PPFIA2: variants seen among roughly 807,000 people sequenced by gnomAD.
PPFIA2 encodes the protein liprin-alpha-2.
A neutral mutation model predicts 175.5 loss-of-function variants in PPFIA2; 46 were observed. The ratio of observed to expected loss-of-function variants is 0.26; its 90% CI spans 0.21 to 0.34. The LOEUF is 0.34. Among genes scored for constraint, PPFIA2 ranks in the 10% least tolerant of loss-of-function variants. The probability of loss-of-function intolerance (pLI) is 1.00; values close to 1 mark genes in which losing one functional copy is unlikely to be tolerated. For missense variants in PPFIA2, 1,179 were observed against 1,506.1 expected, an observed-to-expected ratio of 0.78 and a Z score of 3.60; for synonymous variants, 568 against 511.4, an observed-to-expected ratio of 1.11 and a Z score of -1.49.
At chr12:81,718,320 T>A (rs2078902212) in intron 3 of PPFIA2, among the ~76,000 whole-genome samples, 1 of 151,440 alleles carries the variant, frequency 6.6e-6, no homozygotes, top group Non-Finnish European at 1.5e-5. Context: ...AGTCATTCAG[T>A]TATCTGAGGG....
intron 3 of PPFIA2, among the ~76,000 whole-genome samples, chr12:81,696,991 A>G (rs1306524647): frequency 2.0e-5 from 3 of 152,060 alleles, no homozygotes; most frequent in Non-Finnish European, 4.4e-5. Flanking sequence ...GAGAATATTA[A>G]TCTTAAACTC....
At chr12:81,281,687 T>G (rs2042122992) in intron 26 of PPFIA2, among the ~76,000 whole-genome samples, 1 of 152,112 alleles carries the variant, frequency 6.6e-6, no homozygotes, top group Admixed American at 6.6e-5. Context: ...CAAAAGGAAT[T>G]ACATTTTGTC....
rs71098156 is a variant in PPFIA2, at chr12:81,637,236, ATTTTTTTTTTTTTTTTTTTTTTTTT to A, written c.303+39530_303+39554del. 4.1e-4 allele frequency among the ~76,000 whole-genome samples: 27 copies of A among 65,920 alleles called. 2 individuals carry two copies. The highest frequency in any genetic ancestry group is 2.1e-3 in the Admixed American group (10 of 4,862). The allele number at this position is 65,920 out of a possible 152,430, so 43.2% of individuals were successfully genotyped here. A position where few individuals can be genotyped will look rare whatever the true frequency, so the allele number is the denominator to read the frequency against. ...AGGCATGCGCTACCACGCCAGGCTAATTTTTTTTTTTTTTTTTTTTTTTTTTTTTTTTTTTTTTTTTTTTTTTAGT... is the reference window on the plus strand; with the variant it reads ...AGGCATGCGCTACCACGCCAGGCTAATTTTTTTTTTTTTTTTTTTTTTAGT... On this transcript the variant is annotated intron_variant, in intron 4 of 32. Coordinates refer to ENST00000549396, the MANE Select transcript of PPFIA2 (RefSeq NM_003625.5).
At chr12:81,533,739 ATATC>A (rs1262465182) in intron 4 of PPFIA2, among the ~76,000 whole-genome samples, 13 of 51,286 alleles carry the variant, frequency 2.5e-4, no homozygotes, top group Admixed American at 1.3e-3. Context: ...ATCTATCTAT[ATATC>A]TATCTATCTA....
chr12:81,383,161 A>G (rs912483295), intron 9 of PPFIA2, among the ~76,000 whole-genome samples: 6 of 152,170 alleles, frequency 3.9e-5, no homozygotes, highest in East Asian at 1.9e-4. Flanking sequence ...CAATTGGCTT[A>G]CGAGAGAATG....
intron 3 of PPFIA2, among the ~76,000 whole-genome samples, chr12:81,729,113 C>T (rs1277197570): frequency 1.3e-5 from 2 of 151,318 alleles, no homozygotes; most frequent in African/African-American, 2.4e-5. Flanking sequence ...ATTTTATTAA[C>T]TTAAATAAGT....
At chr12:81,558,712 T>G (rs1347717323) in intron 4 of PPFIA2, among the ~76,000 whole-genome samples, 1 of 152,164 alleles carries the variant, frequency 6.6e-6, no homozygotes, top group Non-Finnish European at 1.5e-5. Context: ...GAGGTGGCTA[T>G]GTATTTCTGA....
intron 3 of PPFIA2, among the ~76,000 whole-genome samples, chr12:81,732,269 A>T (rs1402924356): frequency 1.3e-5 from 2 of 151,636 alleles, no homozygotes; most frequent in African/African-American, 4.8e-5. Flanking sequence ...CATTTAAATA[A>T]TTGCTAATAG....
At position 81,322,289 on chromosome 12, in the gene PPFIA2, C is replaced by T. The variant is rs145614392; in HGVS notation, c.2642+3488G>A. Among the ~76,000 whole-genome samples, 386 of 152,064 alleles carry T rather than the reference C, an allele frequency of 2.5e-3. 4 individuals carry two copies. Among genetic ancestry groups the T allele is most frequent in the African/African-American group, 8.7e-3 (363 of 41,492 alleles). ...AATTTTCAGGTCTGGTTGTTCTAAA[C>T]GTAATAGTAAAAGAGAAGATATTTT... is the stretch of plus-strand genomic sequence containing the variant. On this transcript the variant is annotated intron_variant, in intron 22 of 32. Transcript: ENST00000549396.
intron 3 of PPFIA2, among the ~76,000 whole-genome samples, chr12:81,687,932 A>C (rs2153583387): frequency 6.6e-6 from 1 of 152,130 alleles, no homozygotes; most frequent in African/African-American, 2.4e-5. Context: ...ATATATGTTA[A>C]AACAGATAAG....
At chr12:81,745,947 C>CTGTGCATTAATAAGTTAGATAATTG (rs1327680732) in intron 3 of PPFIA2, among the ~76,000 whole-genome samples, 6 of 107,326 alleles carry the variant, frequency 5.6e-5, no homozygotes, top group Non-Finnish European at 1.2e-4. Context: ...AACAAACAAA[C>CTGTGCATTAATAAGTTAGATAATTG]AGCTTTCCAA....
chr12:81,754,740 A>G (rs2084373396), intron 2 of PPFIA2, among the ~76,000 whole-genome samples: 3 of 152,216 alleles, frequency 2.0e-5, no homozygotes, highest in Admixed American at 2.0e-4. Context: ...CTTGTAGAAA[A>G]TATACAAATC....
intron 7 of PPFIA2, among the ~76,000 whole-genome samples, chr12:81,407,212 C>T (rs1265883474): frequency 3.3e-5 from 5 of 152,130 alleles, no homozygotes; most frequent in East Asian, 1.9e-4. Context: ...TGGCCCAGCG[C>T]GGCAGCTCAC....
intron 4 of PPFIA2, among the ~76,000 whole-genome samples, chr12:81,477,125 T>C (rs1382723513): frequency 6.6e-6 from 1 of 151,890 alleles, no homozygotes; most frequent in African/African-American, 2.4e-5. Context: ...ACTTAGGTGA[T>C]GGGTTGATGG....
At chr12:81,426,417 T>C (rs563382946) in intron 7 of PPFIA2, among the ~76,000 whole-genome samples, 2 of 152,250 alleles carry the variant, frequency 1.3e-5, no homozygotes, top group East Asian at 3.9e-4. Flanking sequence ...TAGTGATTTA[T>C]TGAACCTAAG....
At chr12:81,539,171 A>G (rs2065849965) in intron 4 of PPFIA2, among the ~76,000 whole-genome samples, 1 of 151,886 alleles carries the variant, frequency 6.6e-6, no homozygotes. Flanking sequence ...TGAGAGATGA[A>G]GTCCAAGAGT....
At chr12:81,292,025 G>T (rs1417361550) in intron 24 of PPFIA2, among the ~76,000 whole-genome samples, 1 of 151,942 alleles carries the variant, frequency 6.6e-6, no homozygotes, top group Non-Finnish European at 1.5e-5. Flanking sequence ...AATTCCTTCA[G>T]GTTGGTTAAA....
intron 18 of PPFIA2, among the ~76,000 whole-genome samples, chr12:81,347,093 C>G (rs1372554788): frequency 6.7e-6 from 1 of 149,358 alleles, no homozygotes; most frequent in Non-Finnish European, 1.5e-5. Flanking sequence ...CCACCACACC[C>G]AGCTAATTTT....
chr12:81,509,238 C>A (rs1279161926), intron 4 of PPFIA2, among the ~76,000 whole-genome samples: 6 of 151,344 alleles, frequency 4.0e-5, no homozygotes, highest in Admixed American at 2.0e-4. Context: ...CTAGATTATG[C>A]CCCTTCTCAG....
Sources: gnomAD v4.1 joint callset for allele counts (sites outside exome capture counted in the v4.1 genomes callset) on GRCh38, gnomAD v4.1.1 for gene constraint, MANE v1.5 for transcripts, NCBI Gene and HGNC (gene_info 2026-07-23, HGNC 2026-07-21) for gene names.